Variants in ROBO2 observed in about 807,000 individuals in gnomAD.
ROBO2 encodes roundabout homolog 2.
In ROBO2, 53 loss-of-function variants were observed where a neutral mutation model predicts 160.8. The ratio of observed to expected loss-of-function variants is 0.33; its 90% CI spans 0.26 to 0.41. The LOEUF is 0.41. Among genes scored for constraint, ROBO2 ranks in the 10% least tolerant of loss-of-function variants. ROBO2 has a pLI of 1.00. For synonymous variants in ROBO2, 664 were observed against 611.7 expected (o/e 1.09, Z -1.26); for missense variants, 1,577 against 1,722.4 (o/e 0.92, Z 1.49).
At chr3:77,462,276 T>A in intron 2 of ROBO2, among the ~76,000 whole-genome samples, 1 of 152,140 alleles carries the variant, frequency 6.6e-6, no homozygotes. Context: ...AAGGTTGTCA[T>A]CGAATTCGTC....
At chr3:76,999,533 G>A (rs1457736654) in intron 2 of ROBO2, among the ~76,000 whole-genome samples, 2 of 152,050 alleles carry the variant, frequency 1.3e-5, no homozygotes, top group African/African-American at 4.8e-5. Context: ...ACATTACACA[G>A]TTTAGAAATG....
At chr3:76,453,235 C>G (rs2077567852) in intron 2 of ROBO2, among the ~76,000 whole-genome samples, 1 of 152,178 alleles carries the variant, frequency 6.6e-6, no homozygotes, top group Non-Finnish European at 1.5e-5. Flanking sequence ...GTGTTTTAGA[C>G]ATGAAGTCCT....
In ROBO2 at chr3:77,490,186, C is replaced by T. The variant is rs1209077061; in HGVS notation, c.668-3058C>T. On this transcript the variant is annotated intron_variant, in intron 4 of 25. Coordinates refer to ENST00000461745, the Ensembl canonical transcript of ROBO2. ...CCCAATCTCGGCTCACTGCAAGCTC[C>T]GCCTCCCGGGTTCACACCATTCTCC... Among the ~76,000 whole-genome samples the T allele has an allele frequency of 3.3e-5, 5 of 151,056 alleles. No homozygotes were observed. The East Asian group carries it at 9.8e-4, about 30-fold the overall frequency.
rs568343517 is a variant in ROBO2, at chr3:77,225,801, T to A, written c.388+127461T>A. ...ACACTTGCAAGCTTATAATAATGTT[T>A]AAAAGCCACAAACATTGAAGTAAAA... is the stretch of plus-strand genomic sequence containing the variant. On this transcript the variant is annotated intron_variant, in intron 2 of 25. Coordinates refer to ENST00000461745, the Ensembl canonical transcript of ROBO2. 7.2e-5 allele frequency among the ~76,000 whole-genome samples: 11 copies of A among 152,132 alleles called. No individual in the cohort carries two copies. The East Asian group carries it at 1.7e-3, about 24-fold the overall frequency.
At chr3:77,110,690 T>TAG (rs1241329396) in intron 2 of ROBO2, among the ~76,000 whole-genome samples, 1 of 148,458 alleles carries the variant, frequency 6.7e-6, no homozygotes, top group Non-Finnish European at 1.5e-5. Context: ...TATACATATA[T>TAG]ATATATAGAG....
chr3:76,013,623 CAT>C (rs1216628309), intron 2 of ROBO2, among the ~76,000 whole-genome samples: 1 of 151,100 alleles, frequency 6.6e-6, no homozygotes, highest in Non-Finnish European at 1.5e-5. Context: ...TGTATAAAGG[CAT>C]TTGGAGGCTG....
At chr3:77,597,079 G>T (rs1256657571) in intron 19 of ROBO2, among the ~76,000 whole-genome samples, 3 of 151,778 alleles carry the variant, frequency 2.0e-5, no homozygotes, top group African/African-American at 7.3e-5. Flanking sequence ...TTATGGTTTT[G>T]GACTAGAGGT....
At chr3:77,142,405 T>C (rs1232474680) in intron 2 of ROBO2, among the ~76,000 whole-genome samples, 1 of 152,230 alleles carries the variant, frequency 6.6e-6, no homozygotes, top group Non-Finnish European at 1.5e-5. Flanking sequence ...CAAGCACATA[T>C]ACCCCTTCAG....
chr3:76,205,982 C>A (rs950826819), intron 2 of ROBO2, among the ~76,000 whole-genome samples: 2 of 152,114 alleles, frequency 1.3e-5, no homozygotes, highest in Admixed American at 6.6e-5. Flanking sequence ...CTCACCAGGG[C>A]TGAATCTGGA....
intron 2 of ROBO2, among the ~76,000 whole-genome samples, chr3:77,363,160 G>T (rs1351268336): frequency 6.6e-6 from 1 of 152,144 alleles, no homozygotes; most frequent in East Asian, 1.9e-4. Context: ...TGCAAAGGAA[G>T]TCTAACCAGA....
chr3:76,147,230 C>T (rs2071945856), intron 2 of ROBO2, among the ~76,000 whole-genome samples: 1 of 151,508 alleles, frequency 6.6e-6, no homozygotes, highest in South Asian at 2.1e-4. Context: ...TTGTAATAAA[C>T]CATGTATCTA....
chr3:77,328,399 A>G (rs1184410831), intron 2 of ROBO2, among the ~76,000 whole-genome samples: 1 of 152,240 alleles, frequency 6.6e-6, no homozygotes, highest in Non-Finnish European at 1.5e-5. Flanking sequence ...CTGGAGCAAC[A>G]ATGCAGAAAC....
At chr3:76,848,104 C>G (rs2068952846) in intron 2 of ROBO2, among the ~76,000 whole-genome samples, 1 of 152,156 alleles carries the variant, frequency 6.6e-6, no homozygotes, top group Non-Finnish European at 1.5e-5. Flanking sequence ...CACCTCATCT[C>G]TTTCATCCCT....
intron 2 of ROBO2, among the ~76,000 whole-genome samples, chr3:76,427,543 G>A (rs2076270920): frequency 6.6e-6 from 1 of 152,096 alleles, no homozygotes; most frequent in African/African-American, 2.4e-5. Context: ...TTTCATGGGG[G>A]TTTGAAGAAA....
At chr3:76,991,580 G>A (rs538050821) in intron 2 of ROBO2, among the ~76,000 whole-genome samples, 1 of 152,158 alleles carries the variant, frequency 6.6e-6, no homozygotes, top group Non-Finnish European at 1.5e-5. Context: ...GATTCATTAA[G>A]TTTTGAGGAC....
chr3:77,350,769 T>G (rs1438984952), intron 2 of ROBO2, among the ~76,000 whole-genome samples: 2 of 152,130 alleles, frequency 1.3e-5, no homozygotes, highest in Non-Finnish European at 2.9e-5. Flanking sequence ...CACTTGTCGT[T>G]AAGGTCACTT....
intron 2 of ROBO2, among the ~76,000 whole-genome samples, chr3:76,377,315 C>G (rs904762186): frequency 6.6e-6 from 1 of 151,916 alleles, no homozygotes; most frequent in Non-Finnish European, 1.5e-5. Flanking sequence ...ATAGGATAGC[C>G]CCATGAGTGA....
chr3:77,128,084 G>T (rs1208454969), intron 2 of ROBO2, among the ~76,000 whole-genome samples: 4 of 152,162 alleles, frequency 2.6e-5, no homozygotes, highest in Admixed American at 2.6e-4. Context: ...GATTCATTAA[G>T]ATAGAAAATG....
At chr3:75,912,098 C>G (rs1946622351) in intron 1 of ROBO2, among the ~76,000 whole-genome samples, 1 of 152,192 alleles carries the variant, frequency 6.6e-6, no homozygotes, top group African/African-American at 2.4e-5. Context: ...TCTCCTAATT[C>G]TCTTCTAATG....
Sources: allele counts gnomAD v4.1 joint callset (sites outside exome capture counted in the v4.1 genomes callset), GRCh38; gene constraint gnomAD v4.1.1; transcripts MANE v1.5; gene names NCBI Gene and HGNC (gene_info 2026-07-23, HGNC 2026-07-21).